POPDC1: variants seen among roughly 807,000 people sequenced by gnomAD.
POPDC1 encodes popeye domain-containing protein 1.
the POPDC1 span, among the ~76,000 whole-genome samples, chr6:105,131,358 T>C: frequency 6.6e-6 from 1 of 152,202 alleles, no homozygotes; most frequent in African/African-American, 2.4e-5. Context: ...AGGACCTGAA[T>C]TATAGTCCTG....
chr6:105,129,439 G>A, the POPDC1 span: 1 of 1,612,782 alleles, frequency 6.2e-7, no homozygotes, highest in African/African-American at 1.3e-5. Context: ...AGAACACAGA[G>A]TTCCAGATCA....
the POPDC1 span, chr6:105,101,211 C>T: frequency 1.2e-6 from 2 of 1,608,278 alleles, no homozygotes; most frequent in Non-Finnish European, 8.5e-7. Flanking sequence ...GGGGATGACA[C>T]ATCTGTGGAA....
chr6:105,133,884 C>T, the POPDC1 span, among the ~76,000 whole-genome samples: 37 of 152,206 alleles, frequency 2.4e-4, no homozygotes, highest in African/African-American at 7.5e-4. Context: ...TACGTATAAA[C>T]ACTTGTAGGG....
the POPDC1 span, among the ~76,000 whole-genome samples, chr6:105,121,878 A>T: frequency 6.6e-6 from 1 of 152,206 alleles, no homozygotes; most frequent in African/African-American, 2.4e-5. Context: ...AGAGAAACTC[A>T]AAGGAAGTAG....
the POPDC1 span, chr6:105,100,970 G>T: frequency 8.2e-7 from 1 of 1,216,414 alleles, no homozygotes; most frequent in Non-Finnish European, 1.1e-6. Context: ...TCCTCCCTCC[G>T]ACTCCACCAG....
At chr6:105,113,795 G>C in the POPDC1 span, among the ~76,000 whole-genome samples, 5 of 147,976 alleles carry the variant, frequency 3.4e-5, no homozygotes, top group Admixed American at 3.5e-4. Flanking sequence ...TAGAACTACA[G>C]GCCTGCACCA....
chr6:105,100,800 G>C, the POPDC1 span: 1 of 204,206 alleles, frequency 4.9e-6, no homozygotes, highest in Admixed American at 5.9e-5. Context: ...GCTAAGATTT[G>C]TTAAGTTAAA....
the POPDC1 span, among the ~76,000 whole-genome samples, chr6:105,123,748 T>C: frequency 9.9e-5 from 15 of 152,254 alleles, no homozygotes; most frequent in Non-Finnish European, 4.4e-5. Flanking sequence ...GTTCAAATTA[T>C]TGCCATTACG....
At chr6:105,126,973 T>C in the POPDC1 span, among the ~76,000 whole-genome samples, 123 of 152,322 alleles carry the variant, frequency 8.1e-4, no homozygotes, top group African/African-American at 2.8e-3. Flanking sequence ...GCTTAATCAT[T>C]TCTGTTGTCA....
chr6:105,129,533 T>C, the POPDC1 span: 2 of 1,595,342 alleles, frequency 1.3e-6, no homozygotes, highest in Non-Finnish European at 1.7e-6. Flanking sequence ...ACACGTTAGA[T>C]AATCTAGAAG....
At chr6:105,131,440 T>G in the POPDC1 span, among the ~76,000 whole-genome samples, 1 of 152,126 alleles carries the variant, frequency 6.6e-6, no homozygotes, top group Non-Finnish European at 1.5e-5. Context: ...TTTTTAAAAT[T>G]TTTTTTTCTT....
the POPDC1 span, chr6:105,136,816 C>G: frequency 6.6e-6 from 1 of 152,042 alleles, no homozygotes; most frequent in African/African-American, 2.4e-5. Flanking sequence ...TGCCCGGGCG[C>G]GTAGAACAAG....
the POPDC1 span, among the ~76,000 whole-genome samples, chr6:105,131,318 G>A: frequency 6.6e-6 from 1 of 152,154 alleles, no homozygotes; most frequent in Admixed American, 6.5e-5. Flanking sequence ...AGGAGACAAG[G>A]TATATAATGG....
At chr6:105,111,994 T>C in the POPDC1 span, among the ~76,000 whole-genome samples, 3 of 152,136 alleles carry the variant, frequency 2.0e-5, no homozygotes, top group South Asian at 4.1e-4. Context: ...ATCACCACCA[T>C]GGGGATGAAC....
At chr6:105,125,293 C>T in the POPDC1 span, 1 of 1,358,414 alleles carries the variant, frequency 7.4e-7, no homozygotes, top group South Asian at 1.3e-5. Context: ...ACTGCTTTCT[C>T]CATTCATTGG....
the POPDC1 span, chr6:105,101,072 C>G: frequency 1.9e-6 from 3 of 1,597,374 alleles, no homozygotes; most frequent in Non-Finnish European, 2.6e-6. Context: ...TCTTGGTAAC[C>G]TGAATTCTCT....
chr6:105,123,008 C>T, the POPDC1 span, among the ~76,000 whole-genome samples: 4 of 152,134 alleles, frequency 2.6e-5, no homozygotes, highest in African/African-American at 7.2e-5. Context: ...TTGAAACCAC[C>T]GTAAATGATA....
At chr6:105,101,555 G>GGGCTT in the POPDC1 span, among the ~76,000 whole-genome samples, 1 of 152,076 alleles carries the variant, frequency 6.6e-6, no homozygotes, top group Non-Finnish European at 1.5e-5. Context: ...TCATACATGG[G>GGGCTT]GGCTTGAGTC....
At chr6:105,124,469 G>T in the POPDC1 span, 2 of 947,690 alleles carry the variant, frequency 2.1e-6, no homozygotes, top group Non-Finnish European at 3.3e-6. Flanking sequence ...TCATAGCAGT[G>T]TTTCTATTAA....
Sources: allele counts gnomAD v4.1 joint callset (sites outside exome capture counted in the v4.1 genomes callset), GRCh38; gene constraint gnomAD v4.1.1; transcripts MANE v1.5; gene names NCBI Gene and HGNC (gene_info 2026-07-23, HGNC 2026-07-21).